Variants in PRKAA2 observed in about 807,000 individuals in gnomAD.
PRKAA2 encodes the protein 5'-AMP-activated protein kinase catalytic subunit alpha-2.
PRKAA2 carries 40 observed loss-of-function variants against 56.3 expected under a neutral mutation model. The observed-to-expected ratio is 0.71, with a 90% CI of 0.55 to 0.92. The LOEUF is 0.92. PRKAA2 is among the 40% of genes least tolerant of loss of function. The pLI, the probability that PRKAA2 is intolerant of heterozygous loss-of-function variation, is 0.00. For synonymous variants in PRKAA2, 214 were observed against 234.2 expected (o/e 0.91, Z 0.79); for missense variants, 542 against 686.9 (o/e 0.79, Z 2.36).
chr1:56,691,519 T>C (rs1198111300), intron 3 of PRKAA2, 32 bp downstream of exon 3: 1 of 1,511,462 alleles, frequency 6.6e-7, no homozygotes, highest in South Asian at 1.2e-5. Context: ...ACACTAAATC[T>C]CTAAACTAAT....
chr1:56,657,517 A>G (rs1643955549), intron 1 of PRKAA2, among the ~76,000 whole-genome samples: 1 of 152,108 alleles, frequency 6.6e-6, no homozygotes, highest in East Asian at 1.9e-4. Context: ...CTTTACTGAA[A>G]ATACAAAAAT....
chr1:56,682,262 G>T (rs1219333850), intron 2 of PRKAA2, among the ~76,000 whole-genome samples: 1 of 152,082 alleles, frequency 6.6e-6, no homozygotes, highest in African/African-American at 2.4e-5. Context: ...ATCATTTTAG[G>T]TAAAGATAAG....
At chr1:56,649,741 T>C (rs903227137) in intron 1 of PRKAA2, among the ~76,000 whole-genome samples, 1 of 152,210 alleles carries the variant, frequency 6.6e-6, no homozygotes, top group African/African-American at 2.4e-5. Context: ...AGCCTCACAG[T>C]GTTGGGATTA....
intron 2 of PRKAA2, among the ~76,000 whole-genome samples, chr1:56,685,713 A>G (rs1644186527): frequency 6.6e-6 from 1 of 152,202 alleles, no homozygotes; most frequent in Non-Finnish European, 1.5e-5. Context: ...GCTGCTATAA[A>G]GGATGGAACA....
At position 56,691,387 on chromosome 1, in the gene PRKAA2, A is replaced by C. The variant is rs936458869; in HGVS notation, c.237-7A>C. 6.2e-7 allele frequency: 1 copy of C among 1,602,938 alleles called. No homozygotes were observed. The highest frequency in any genetic ancestry group is 2.2e-5 in the East Asian group (1 of 44,574). On this transcript the variant is annotated splice_region_variant and splice_polypyrimidine_tract_variant and intron_variant, in intron 2 of 8. Coordinates refer to ENST00000371244, the MANE Select transcript of PRKAA2 (RefSeq NM_006252.4). ...ACTTTGTTAACTTTTTTTAATTAAC[A>C]AAAAAGATACCAGGTGATCAGCACT...
intron 1 of PRKAA2, among the ~76,000 whole-genome samples, chr1:56,665,792 C>G (rs1557547197): frequency 1.3e-5 from 2 of 152,088 alleles, no homozygotes. Context: ...TCTGATGACC[C>G]ATGATATTGA....
intron 1 of PRKAA2, among the ~76,000 whole-genome samples, chr1:56,660,183 G>C (rs1185905379): frequency 1.3e-5 from 2 of 152,096 alleles, no homozygotes; most frequent in African/African-American, 4.8e-5. Context: ...CCACCAGAAG[G>C]CAAGTTCCAT....
chr1:56,701,409 A>T (rs1644292743), intron 6 of PRKAA2, among the ~76,000 whole-genome samples: 1 of 151,374 alleles, frequency 6.6e-6, no homozygotes, highest in South Asian at 2.1e-4. Flanking sequence ...AAAAATATAT[A>T]TAGAAAAGAT....
chr1:56,715,188 T>G lies in PRKAA2; in HGVS notation c.*7475T>G, dbSNP rs1488891550. 2 of 152,216 alleles carry G rather than the reference T, an allele frequency of 1.3e-5. No homozygotes were observed. The highest frequency in any genetic ancestry group is 2.9e-5 in the Non-Finnish European group (2 of 68,028). 9.4% of individuals were successfully genotyped at this position (152,216 alleles called of 1,614,324 possible). Reference sequence around the variant, plus strand: ...AGATGTCTTCCTGAATTACATAGCATTTCATAGTTACAGATTCTTCCTAAT... The same window carrying G: ...AGATGTCTTCCTGAATTACATAGCAGTTCATAGTTACAGATTCTTCCTAAT... On this transcript the variant is annotated 3_prime_UTR_variant, in exon 9 of 9. Transcript: ENST00000371244.
intron 2 of PRKAA2, among the ~76,000 whole-genome samples, chr1:56,686,914 C>T (rs1569768436): frequency 6.8e-6 from 1 of 147,682 alleles, no homozygotes; most frequent in East Asian, 2.0e-4. Context: ...GACAGAGTTT[C>T]ACTCTTGTTG....
chr1:56,673,674 T>C (rs1283454438), intron 1 of PRKAA2, among the ~76,000 whole-genome samples: 1 of 152,270 alleles, frequency 6.6e-6, no homozygotes, highest in Non-Finnish European at 1.5e-5. Context: ...ATTTAGCACC[T>C]CTGTGTACAA....
At chr1:56,696,198 A>C in intron 6 of PRKAA2, 39 bp downstream of exon 6, 6 of 1,531,718 alleles carry the variant, frequency 3.9e-6, no homozygotes, top group Middle Eastern at 1.7e-4. Flanking sequence ...ATATTTTCTC[A>C]TAGGAATAAT....
At position 56,714,478 on chromosome 1, in the gene PRKAA2, T is replaced by A. The variant is rs770782360; in HGVS notation, c.*6765T>A. ...TGAGTATCTTGATTTTTAGGTAAGATCACAGTTTCACAAATTGTGGTGTTG... is the reference window on the plus strand; with the variant it reads ...TGAGTATCTTGATTTTTAGGTAAGAACACAGTTTCACAAATTGTGGTGTTG... On this transcript the variant is annotated 3_prime_UTR_variant, in exon 9 of 9. Coordinates refer to ENST00000371244, the MANE Select transcript of PRKAA2 (RefSeq NM_006252.4). The A allele has an allele frequency of 1.3e-5, 2 of 152,176 alleles. No homozygotes were observed. Among genetic ancestry groups the A allele is most frequent in the African/African-American group, 2.4e-5 (1 of 41,462 alleles). The allele number at this position is 152,176 out of a possible 1,614,324, so 9.4% of individuals were successfully genotyped here.
At chr1:56,706,426 C>T (rs978319547) in intron 8 of PRKAA2, among the ~76,000 whole-genome samples, 2 of 152,214 alleles carry the variant, frequency 1.3e-5, no homozygotes, top group South Asian at 2.1e-4. Context: ...GAAGTATCTC[C>T]GTGGCGTAAA....
At chr1:56,705,504 T>C (rs2100438883) in intron 7 of PRKAA2, among the ~76,000 whole-genome samples, 1 of 152,136 alleles carries the variant, frequency 6.6e-6, no homozygotes, top group South Asian at 2.1e-4. Context: ...CAGGCTATCC[T>C]CTCACCTCAG....
chr1:56,706,603 C>T (rs1200982350), intron 8 of PRKAA2, among the ~76,000 whole-genome samples: 1 of 152,212 alleles, frequency 6.6e-6, no homozygotes, highest in African/African-American at 2.4e-5. Flanking sequence ...CACCTTTCCT[C>T]ATCCTGGGTG....
At position 56,649,677 on chromosome 1, in the gene PRKAA2, C is replaced by T. The variant is rs373412788; in HGVS notation, c.94+4196C>T. On this transcript the variant is annotated intron_variant, in intron 1 of 8. Transcript: ENST00000371244. ...TTTATTAATTAGTTTTTTTTAGGGA[C>T]TATGTTGACCAGGCTGTTCTCAAAC... is the stretch of plus-strand genomic sequence containing the variant. Among the ~76,000 whole-genome samples the T allele has an allele frequency of 2.9e-4, 44 of 152,166 alleles. 1 individual carries two copies. In the South Asian group the frequency reaches 8.3e-3, roughly 29 times the overall value.
chr1:56,657,404 G>T (rs544300102), intron 1 of PRKAA2, among the ~76,000 whole-genome samples: 3 of 152,182 alleles, frequency 2.0e-5, no homozygotes, highest in Non-Finnish European at 1.5e-5. Flanking sequence ...TAAGCTGGGC[G>T]TGGTGGCTCA....
At position 56,704,228 on chromosome 1, in the gene PRKAA2, G is replaced by A; in HGVS notation, c.1046G>A (p.Gly349Asp). 1.2e-6 allele frequency: 2 copies of A among 1,614,098 alleles called. No homozygotes were observed. The highest frequency in any genetic ancestry group is 1.3e-5 in the African/African-American group (1 of 75,032). ...EFYLASSPPSGSFMDDSAMHI... is the reference protein window; with the variant it reads ...EFYLASSPPSDSFMDDSAMHI... ...TACCTCGCCTCTAGTCCTCCATCTGGTTCTTTTATGGATGATAGTGCCATG... is the reference window on the plus strand; with the variant it reads ...TACCTCGCCTCTAGTCCTCCATCTGATTCTTTTATGGATGATAGTGCCATG... The change falls in exon 7 of 9, where the codon GGT becomes GAT. Residue 349 changes from glycine (G) to aspartate (D), a missense_variant. Gly to Asp is a moderately conservative substitution (Grantham distance 94, BLOSUM62 -1). Transcript: ENST00000371244.
Sources: gnomAD v4.1 joint callset for allele counts (sites outside exome capture counted in the v4.1 genomes callset) on GRCh38, gnomAD v4.1.1 for gene constraint, MANE v1.5 for transcripts, NCBI Gene and HGNC (gene_info 2026-07-23, HGNC 2026-07-21) for gene names.